The following RGS6 variants were observed in gnomAD, a reference collection of about 807,000 sequenced individuals.
The protein encoded by RGS6 is regulator of G protein signaling 6, also known as regulator of G-protein signaling 6.
In RGS6, 30 loss-of-function variants were observed where a neutral mutation model predicts 78.5. The observed-to-expected ratio is 0.38, with a 90% CI of 0.29 to 0.52. The LOEUF is 0.52. Among genes scored for constraint, RGS6 ranks in the 20% least tolerant of loss-of-function variants. The pLI is 0.85. For synonymous variants in RGS6, 206 were observed against 206.0 expected (o/e 1.00, Z 0.00); for missense variants, 495 against 609.7 (o/e 0.81, Z 1.98).
chr14:72,115,078 A>G (rs2095856187), intron 2 of RGS6, among the ~76,000 whole-genome samples: 1 of 152,196 alleles, frequency 6.6e-6, no homozygotes, highest in African/African-American at 2.4e-5. Context: ...TCCTTCTAAT[A>G]AGATTCCATC....
At chr14:72,489,755 C>T (rs1483124818) in intron 12 of RGS6, among the ~76,000 whole-genome samples, 6 of 143,298 alleles carry the variant, frequency 4.2e-5, no homozygotes, top group Non-Finnish European at 9.2e-5. Context: ...CGAGGCGAGG[C>T]GAGGTGAAAT....
At chr14:72,374,617 CA>C (rs1473760652) in intron 3 of RGS6, among the ~76,000 whole-genome samples, 1 of 151,982 alleles carries the variant, frequency 6.6e-6, no homozygotes, top group Non-Finnish European at 1.5e-5. Flanking sequence ...AAATACAGAA[CA>C]AAAAAATTTC....
the RGS6 span, among the ~76,000 whole-genome samples, chr14:71,920,028 T>C: frequency 6.6e-6 from 1 of 152,166 alleles, no homozygotes; most frequent in Non-Finnish European, 1.5e-5. Context: ...AAGAATTTTT[T>C]ATTGTTGATA....
intron 3 of RGS6, among the ~76,000 whole-genome samples, chr14:72,400,878 G>A (rs2092309936): frequency 6.6e-6 from 1 of 152,138 alleles, no homozygotes; most frequent in Non-Finnish European, 1.5e-5. Context: ...AGATTCACAG[G>A]GAAAGGTTCC....
downstream of RGS6, among the ~76,000 whole-genome samples, chr14:72,571,372 T>C (rs973558036): frequency 6.6e-6 from 1 of 152,136 alleles, no homozygotes; most frequent in African/African-American, 2.4e-5. Flanking sequence ...AGCCTTGCTG[T>C]GTGTGCTGAA....
chr14:72,626,376 G>A, the RGS6 span, among the ~76,000 whole-genome samples: 9,154 of 152,132 alleles, frequency 0.06, 932 homozygotes, highest in African/African-American at 0.21. Context: ...TTACACAAGT[G>A]AGCAAATGCA....
rs182547876 is a variant in RGS6 at position 72,050,625 on chromosome 14, G to A, written c.84+85750G>A. Among the ~76,000 whole-genome samples, 70 of 152,348 alleles carry A rather than the reference G, an allele frequency of 4.6e-4. 1 individual carries two copies. The East Asian group carries it at 9.8e-3, about 21-fold the overall frequency. Reference sequence around the variant, plus strand: ...AGATTATATATCTGAAGAGGACAGAGGGGAAAGGAGATGCTGTGTCTCAAA... The same window carrying A: ...AGATTATATATCTGAAGAGGACAGAAGGGAAAGGAGATGCTGTGTCTCAAA... On this transcript the variant is annotated intron_variant, in intron 2 of 17. Coordinates refer to ENST00000553525, the MANE Select transcript of RGS6 (RefSeq NM_001204424.2).
intron 3 of RGS6, among the ~76,000 whole-genome samples, chr14:72,446,767 A>T (rs2095375295): frequency 6.6e-6 from 1 of 152,212 alleles, no homozygotes; most frequent in Admixed American, 6.5e-5. Flanking sequence ...AGACAGGAAC[A>T]GAACATCAGG....
chr14:72,517,942 T>C (rs1382674950), intron 14 of RGS6, among the ~76,000 whole-genome samples: 1 of 152,192 alleles, frequency 6.6e-6, no homozygotes, highest in Non-Finnish European at 1.5e-5. Context: ...CATTTTTAGT[T>C]GTCATAACTT....
chr14:72,443,663 G>C (rs955054165), intron 3 of RGS6, among the ~76,000 whole-genome samples: 2 of 152,174 alleles, frequency 1.3e-5, no homozygotes, highest in Non-Finnish European at 2.9e-5. Flanking sequence ...GTGACCGTTA[G>C]ACACCACTGG....
chr14:72,177,636 CGA>C (rs1349756248), intron 2 of RGS6, among the ~76,000 whole-genome samples: 1 of 152,142 alleles, frequency 6.6e-6, no homozygotes, highest in Non-Finnish European at 1.5e-5. Flanking sequence ...TAGCACAATA[CGA>C]AATAATTGGC....
intron 3 of RGS6, among the ~76,000 whole-genome samples, chr14:72,378,431 A>G (rs1350963664): frequency 6.6e-6 from 1 of 152,124 alleles, no homozygotes. Flanking sequence ...GTTTTGGAAA[A>G]GAAAAACAAA....
rs761980189 is a variant in RGS6, at chr14:72,154,786, C to T, written c.84+189911C>T. ...TGGTTCTGTTGTTTGCTCTGATTGC[C>T]GTTTTCCCCAGTAAGTGGGAAAACC... On this transcript the variant is annotated intron_variant, in intron 2 of 17. Transcript: ENST00000553525. Among the ~76,000 whole-genome samples, 85 of 152,198 alleles carry T rather than the reference C, an allele frequency of 5.6e-4. 1 individual carries two copies. The highest frequency in any genetic ancestry group is 2.0e-4 in the Admixed American group (3 of 15,280).
chr14:72,147,850 G>A (rs2096626187), intron 2 of RGS6, among the ~76,000 whole-genome samples: 1 of 152,178 alleles, frequency 6.6e-6, no homozygotes, highest in Non-Finnish European at 1.5e-5. Context: ...AATTTGAGAA[G>A]TCTGGGTGCA....
At chr14:72,473,100 A>G in intron 9 of RGS6, 147 bp downstream of exon 9, 1 of 563,084 alleles carries the variant, frequency 1.8e-6, no homozygotes, top group South Asian at 2.7e-5. Flanking sequence ...CCATTCATTT[A>G]TATAATCTCA....
chr14:71,914,858 A>G, the RGS6 span, among the ~76,000 whole-genome samples: 3 of 151,374 alleles, frequency 2.0e-5, no homozygotes, highest in African/African-American at 4.9e-5. Flanking sequence ...AACAGGCACC[A>G]CTCCCTTAAG....
chr14:72,100,848 T>G (rs1048282871), intron 2 of RGS6, among the ~76,000 whole-genome samples: 1 of 152,224 alleles, frequency 6.6e-6, no homozygotes, highest in Non-Finnish European at 1.5e-5. Flanking sequence ...AGATGGGAGC[T>G]AGGCATTGAC....
Position 72,526,154 on chromosome 14 carries a change from T to C in RGS6, c.1278+7617T>C, listed in dbSNP as rs1598718625. Among the ~76,000 whole-genome samples the C allele has an allele frequency of 4.0e-5, 6 of 151,874 alleles. No homozygotes were observed. In the South Asian group the frequency reaches 1.3e-3, roughly 32 times the overall value. On this transcript the variant is annotated intron_variant, in intron 15 of 17. Coordinates refer to ENST00000553525, the MANE Select transcript of RGS6 (RefSeq NM_001204424.2). Reference sequence around the variant, plus strand: ...AATCTTGCTCTGTCACCCAGGCTGGTGTGTGGTGGCACAATCTCGGCTCAC... The same window carrying C: ...AATCTTGCTCTGTCACCCAGGCTGGCGTGTGGTGGCACAATCTCGGCTCAC...
intron 15 of RGS6, among the ~76,000 whole-genome samples, chr14:72,525,718 G>A (rs2238170): frequency 0.02 from 3,068 of 152,294 alleles, 89 homozygotes; most frequent in African/African-American, 0.065. Context: ...GGAGGTGGCG[G>A]CATTGCGTGC....
Sources: allele counts gnomAD v4.1 joint callset (sites outside exome capture counted in the v4.1 genomes callset), GRCh38; gene constraint gnomAD v4.1.1; transcripts MANE v1.5; gene names NCBI Gene and HGNC (gene_info 2026-07-23, HGNC 2026-07-21).